Variants in FBN2 observed in about 807,000 individuals in gnomAD.
The protein encoded by FBN2 is fibrillin 2.
Under a neutral mutation model 355.6 loss-of-function variants are expected in FBN2, and 105 were observed. The observed-to-expected ratio is 0.30, with a 90% CI of 0.25 to 0.35. The LOEUF is 0.35. Among genes scored for constraint, FBN2 ranks in the 10% least tolerant of loss-of-function variants. FBN2 has a pLI of 1.00. For missense variants in FBN2, 3,280 were observed against 3,758.7 expected (o/e 0.87, Z 3.33); for synonymous variants, 1,350 against 1,301.2 (o/e 1.04, Z -0.81).
At chr5:128,312,587 T>C (rs1750083737) in intron 37 of FBN2, 47 bp downstream of exon 37, 1 of 1,608,778 alleles carries the variant, frequency 6.2e-7, no homozygotes, top group African/African-American at 1.3e-5. Flanking sequence ...GCAACAAATC[T>C]TTAGATACCA....
intron 25 of FBN2, among the ~76,000 whole-genome samples, chr5:128,341,660 A>G (rs1017632970): frequency 6.6e-6 from 1 of 152,160 alleles, no homozygotes; most frequent in Admixed American, 6.6e-5. Context: ...CAGAACTCCC[A>G]GTGGCATGGG....
chr5:128,338,489 T>A lies in FBN2; in HGVS notation c.3473-367A>T, dbSNP rs143774638. On this transcript the variant is annotated intron_variant, in intron 26 of 64. Coordinates refer to ENST00000262464, the MANE Select transcript of FBN2 (RefSeq NM_001999.4). The stretch of plus-strand genomic sequence containing the variant: ...AATCTTAGACTTATAACCTACTATA[T>A]CCTATGAGGTAGGTCTTATATCATA... 3.3e-5 allele frequency among the ~76,000 whole-genome samples: 5 copies of A among 152,248 alleles called. No individual in the cohort carries two copies. The East Asian group carries it at 9.7e-4, about 29-fold the overall frequency.
At chr5:128,263,365 G>T in intron 63 of FBN2, 60 bp downstream of exon 63, 2 of 1,273,678 alleles carry the variant, frequency 1.6e-6, no homozygotes, top group East Asian at 2.3e-5. Flanking sequence ...GTGGGGGGTG[G>T]CCTGAACTCA....
chr5:128,480,633 C>A (rs919414218), intron 5 of FBN2, among the ~76,000 whole-genome samples: 4 of 152,020 alleles, frequency 2.6e-5, no homozygotes, highest in Non-Finnish European at 4.4e-5. Context: ...TGGCTTGAAC[C>A]CGGGAGGCAG....
chr5:128,383,531 A>G (rs1231736538), intron 11 of FBN2, among the ~76,000 whole-genome samples: 1 of 152,156 alleles, frequency 6.6e-6, no homozygotes, highest in Non-Finnish European at 1.5e-5. Context: ...AGAAAAGGCA[A>G]GCCACAGGCT....
intron 5 of FBN2, among the ~76,000 whole-genome samples, chr5:128,493,175 G>T (rs181564896): frequency 6.6e-6 from 1 of 152,110 alleles, no homozygotes; most frequent in East Asian, 1.9e-4. Flanking sequence ...TAAGTGTAAT[G>T]AGGGATTCTG....
At chr5:128,294,376 T>A (rs1749434788) in intron 48 of FBN2, among the ~76,000 whole-genome samples, 1 of 152,146 alleles carries the variant, frequency 6.6e-6, no homozygotes, top group African/African-American at 2.4e-5. Context: ...CTGGGTCAAA[T>A]GGTACTTCTA....
rs34600572 is a variant in FBN2 at position 128,278,684 on chromosome 5, C to A, written c.7296G>T (p.Gln2432His). The change falls in exon 57 of 65, where the codon CAG (glutamine) becomes CAT (histidine). Residue 2432 changes from glutamine to histidine, a missense_variant. By Grantham distance (24) the Gln-to-His change is conservative. Around this residue, in one of 6 missense-constraint regions of FBN2, gnomAD observed 2,284 missense variants for 2,749.5 expected, o/e 0.83. Transcript: ENST00000262464. ...GGCCATGAGGACATATCTTTTTGTACTGGGCAGTTCCAGGAAGTGGGCAAA... is the reference window on the plus strand; with the variant it reads ...GGCCATGAGGACATATCTTTTTGTAATGGGCAGTTCCAGGAAGTGGGCAAA... ...CELCPLPGTA[Q>H]YKKICPHGPG... 1.5e-3 allele frequency: 2,425 copies of A among 1,614,104 alleles called. 33 individuals carry two copies. The African/African-American group carries it at 0.028, about 19-fold the overall frequency.
intron 7 of FBN2, among the ~76,000 whole-genome samples, chr5:128,441,519 T>C (rs1016557402): frequency 3.3e-5 from 5 of 152,224 alleles, no homozygotes; most frequent in Admixed American, 6.5e-5. Flanking sequence ...GAGTTAATAA[T>C]AGTAACTAAC....
intron 11 of FBN2, among the ~76,000 whole-genome samples, chr5:128,381,425 T>C (rs1485982062): frequency 6.6e-6 from 1 of 152,134 alleles, no homozygotes; most frequent in Admixed American, 6.6e-5. Context: ...AATGGCAGTT[T>C]GTTATTCCTC....
chr5:128,529,667 G>A lies in FBN2; in HGVS notation c.436+928C>T, dbSNP rs6595837. On this transcript the variant is annotated intron_variant, in intron 3 of 64. Transcript: ENST00000262464. ...CCAAAGGCAAATATGAGAAAACTAG[G>A]AACAGGATAATGAACATACTGGCAA... Among the ~76,000 whole-genome samples the A allele has an allele frequency of 1.2e-3, 189 of 152,174 alleles. 1 individual carries two copies. Among genetic ancestry groups the A allele is most frequent in the Non-Finnish European group, 2.2e-3 (149 of 68,008 alleles).
chr5:128,485,509 T>C (rs1755314179), intron 5 of FBN2, among the ~76,000 whole-genome samples: 1 of 152,124 alleles, frequency 6.6e-6, no homozygotes, highest in African/African-American at 2.4e-5. Flanking sequence ...CTAATATGTT[T>C]GAACAAGGGA....
In FBN2 at chr5:128,339,175, G is replaced by C. The variant is rs1750927004; in HGVS notation, c.3344-114C>G. The C allele has an allele frequency of 2.7e-6, 3 of 1,096,762 alleles. No individual in the cohort carries two copies. In the East Asian group the frequency reaches 7.4e-5, roughly 27 times the overall value. 67.9% of individuals were successfully genotyped at this position (1,096,762 alleles called of 1,614,324 possible). A position where few individuals can be genotyped will look rare whatever the true frequency, so the allele number is the denominator to read the frequency against. On this transcript the variant is annotated intron_variant, in intron 25 of 64. Coordinates refer to ENST00000262464, the MANE Select transcript of FBN2 (RefSeq NM_001999.4). ...GGAAATTGCTGGCTAACAGTACAAG[G>C]GTATGTTTTCAGTAGACCCAGATAG...
chr5:128,537,621 C>G lies in FBN2; in HGVS notation c.-18G>C, dbSNP rs768065146. 6.2e-7 allele frequency: 1 copy of G among 1,604,688 alleles called. No homozygotes were observed. The highest frequency in any genetic ancestry group is 8.5e-7 in the Non-Finnish European group (1 of 1,177,414). Reference sequence around the variant, plus strand: ...CTCCCCATCGCCGGCGCCGAAAGCGCGCGGCCGTAGACCCGCGGAGAGGGA... The same window carrying G: ...CTCCCCATCGCCGGCGCCGAAAGCGGGCGGCCGTAGACCCGCGGAGAGGGA... On this transcript the variant is annotated 5_prime_UTR_variant, in exon 1 of 65. Transcript: ENST00000262464.
intron 47 of FBN2, 143 bp downstream of exon 47, chr5:128,301,239 A>C: frequency 1.2e-6 from 1 of 836,524 alleles, no homozygotes; most frequent in Non-Finnish European, 1.9e-6. Context: ...TTATACTAAA[A>C]TTTTCCATCA....
At chr5:128,504,901 G>A (rs1047625754) in intron 5 of FBN2, among the ~76,000 whole-genome samples, 1 of 152,204 alleles carries the variant, frequency 6.6e-6, no homozygotes, top group Non-Finnish European at 1.5e-5. Flanking sequence ...ATCTCACTTA[G>A]AATTGTAATA....
At chr5:128,473,454 C>T (rs552541241) in intron 5 of FBN2, among the ~76,000 whole-genome samples, 6 of 152,074 alleles carry the variant, frequency 3.9e-5, no homozygotes, top group Admixed American at 1.3e-4. Context: ...ATATTTTTGC[C>T]ATTTTTACAA....
At chr5:128,387,791 GT>G (rs1561431506) in intron 11 of FBN2, among the ~76,000 whole-genome samples, 1 of 152,116 alleles carries the variant, frequency 6.6e-6, no homozygotes, top group Non-Finnish European at 1.5e-5. Context: ...TATGTGCTAT[GT>G]TACAGATGAG....
At chr5:128,448,410 G>A (rs77659546) in intron 6 of FBN2, among the ~76,000 whole-genome samples, 5 of 151,762 alleles carry the variant, frequency 3.3e-5, no homozygotes, top group Admixed American at 6.6e-5. Context: ...AGGTTCAAGC[G>A]ATTCTCCTGC....
Sources: gnomAD v4.1 joint callset for allele counts (sites outside exome capture counted in the v4.1 genomes callset) on GRCh38, gnomAD v4.1.1 for gene constraint, gnomAD v4.1.1 regional missense constraint, MANE v1.5 for transcripts, NCBI Gene and HGNC (gene_info 2026-07-23, HGNC 2026-07-21) for gene names.